OTOF: variants seen among roughly 807,000 people sequenced by gnomAD.
OTOF encodes otoferlin.
A neutral mutation model predicts 236.8 loss-of-function variants in OTOF; 218 were observed. That is an observed-to-expected ratio of 0.92 (90% CI 0.82 to 1.03). OTOF has a LOEUF of 1.03. OTOF is among the 50% of genes least tolerant of loss of function. The pLI is 0.00. For missense variants in OTOF, 2,590 were observed against 2,694.4 expected, an observed-to-expected ratio of 0.96 and a Z score of 0.86; for synonymous variants, 1,041 against 1,072.5, an observed-to-expected ratio of 0.97 and a Z score of 0.57.
At chr2:26,531,715 C>G (rs1572483371) in intron 2 of OTOF, among the ~76,000 whole-genome samples, 1 of 152,050 alleles carries the variant, frequency 6.6e-6, no homozygotes, top group East Asian at 1.9e-4. Context: ...ATGCTGAGAA[C>G]ACAGCAAGAC....
rs370691004 is a variant in OTOF, at chr2:26,460,941, C to T, written c.5623G>A (p.Val1875Met). The part of the protein sequence containing the change: ...TMEMATGEVD[V>M]PLVSIFKQKR... ...TGCTTGAAGATGGACACGAGGGGCACGTCCACCTCCCCGGTGGCCATCTCC... is the reference window on the plus strand; with the variant it reads ...TGCTTGAAGATGGACACGAGGGGCATGTCCACCTCCCCGGTGGCCATCTCC... The change falls in exon 44 of 47, where the codon GTG (valine) becomes ATG (methionine). Residue 1875 changes from valine (V) to methionine (M), a missense_variant. This residue lies in a region of OTOF where 1,211 missense variants were observed against 1,352.8 expected (regional missense o/e 0.90). Transcript: ENST00000272371. This position sits in a 1 kb window ranked among gnomAD's most constrained non-coding sequence, Gnocchi z 5.3. The T allele has an allele frequency of 7.6e-5, 122 of 1,613,968 alleles. 1 individual carries two copies. The Middle Eastern group carries it at 1.2e-3, about 15-fold the overall frequency.
rs1572416145 is a variant in OTOF at position 26,470,909 on chromosome 2, A to T, written c.3895-188T>A. On this transcript the variant is annotated intron_variant, in intron 31 of 46. Transcript: ENST00000272371. The surrounding 1 kb of genome is among the most constrained non-coding windows in gnomAD (Gnocchi z 4.3). ...GTGCCACAGGCCACAGAGTGTTGTG[A>T]CCTGCCAGTGCGATCCACTCGCCCA... Among the ~76,000 whole-genome samples the T allele has an allele frequency of 6.6e-6, 1 of 152,136 alleles. No individual in the cohort carries two copies. Among genetic ancestry groups the T allele is most frequent in the African/African-American group, 2.4e-5 (1 of 41,418 alleles).
At chr2:26,525,027 C>T (rs1271027808) in intron 3 of OTOF, among the ~76,000 whole-genome samples, 1 of 152,198 alleles carries the variant, frequency 6.6e-6, no homozygotes, top group African/African-American at 2.4e-5. Context: ...TCCTGTTTCT[C>T]CTGTCCTCAT....
chr2:26,499,425 C>A (rs7587572), intron 8 of OTOF, among the ~76,000 whole-genome samples: 47,281 of 151,948 alleles, frequency 0.31, 10,319 homozygotes, highest in African/African-American at 0.61. Context: ...GTCCTTCCTG[C>A]GGTCTTTATA....
intron 8 of OTOF, among the ~76,000 whole-genome samples, chr2:26,498,909 T>C (rs1666052682): frequency 6.6e-6 from 1 of 152,012 alleles, no homozygotes; most frequent in African/African-American, 2.4e-5. Context: ...TTTTCAGAAG[T>C]TTGCTCCAGT....
Position 26,558,361 on chromosome 2 carries a change from C to G in OTOF, c.79+132G>C, listed in dbSNP as rs544271236. The G allele has an allele frequency of 1.4e-5, 11 of 775,676 alleles. No individual in the cohort carries two copies. In the African/African-American group the frequency reaches 1.9e-4, roughly 13 times the overall value. 48.0% of individuals were successfully genotyped at this position (775,676 alleles called of 1,614,324 possible). The stretch of plus-strand genomic sequence containing the variant: ...AGGCAGATGACTACCTGTGAAAAGG[C>G]TCGTCGCCCCAGCCCCTGCTAGAAC... On this transcript the variant is annotated intron_variant, in intron 1 of 46. Coordinates refer to ENST00000272371, the MANE Select transcript of OTOF (RefSeq NM_194248.3).
At chr2:26,471,814 C>CCACATGCA (rs539987834) in intron 30 of OTOF, among the ~76,000 whole-genome samples, 10 of 152,132 alleles carry the variant, frequency 6.6e-5, no homozygotes, top group Non-Finnish European at 1.0e-4. Flanking sequence ...TGCACATACA[C>CCACATGCA]CACATGCACA....
At chr2:26,466,933 T>G (rs984454432) in intron 35 of OTOF, 82 bp from the exon 36 acceptor site, 96 of 1,591,084 alleles carry the variant, frequency 6.0e-5, no homozygotes, top group Non-Finnish European at 7.8e-5. Context: ...CCAGGAGGGC[T>G]GGACCCTGAT....
intron 8 of OTOF, among the ~76,000 whole-genome samples, chr2:26,496,809 C>T (rs1665998075): frequency 6.6e-6 from 1 of 151,954 alleles, no homozygotes; most frequent in African/African-American, 2.4e-5. Flanking sequence ...ACCACATAGC[C>T]TTGTGTTTTT....
intron 2 of OTOF, among the ~76,000 whole-genome samples, chr2:26,537,454 G>A (rs566160890): frequency 3.9e-5 from 6 of 152,352 alleles, no homozygotes; most frequent in East Asian, 1.9e-4. Context: ...CAGCAGGGCC[G>A]TCGAGGTGGG....
intron 3 of OTOF, among the ~76,000 whole-genome samples, chr2:26,521,315 G>A (rs1046268327): frequency 2.0e-5 from 3 of 152,216 alleles, no homozygotes; most frequent in African/African-American, 7.2e-5. Context: ...TCCAGAATTA[G>A]ATGCCTAAGA....
At chr2:26,514,825 A>G (rs375713761) in intron 5 of OTOF, among the ~76,000 whole-genome samples, 57 of 152,026 alleles carry the variant, frequency 3.7e-4, no homozygotes, top group African/African-American at 1.3e-3. Flanking sequence ...GTGGCTTCCG[A>G]TCTTGTTCTC....
chr2:26,495,970 T>C (rs1326637449), intron 8 of OTOF, among the ~76,000 whole-genome samples: 1 of 152,258 alleles, frequency 6.6e-6, no homozygotes, highest in Non-Finnish European at 1.5e-5. Context: ...CCTTTCCACA[T>C]TGTTTGCTGA....
At chr2:26,459,552 CAAAAAA>C (rs58695074) in intron 46 of OTOF, among the ~76,000 whole-genome samples, 1,739 of 69,138 alleles carry the variant, frequency 0.025, 13 homozygotes, top group Middle Eastern at 0.057. Flanking sequence ...ACTCTGTCTC[CAAAAAA>C]AAAAAAAAAA....
At chr2:26,546,554 T>G (rs902200681) in intron 1 of OTOF, among the ~76,000 whole-genome samples, 16 of 152,206 alleles carry the variant, frequency 1.1e-4, no homozygotes, top group Admixed American at 2.6e-4. Flanking sequence ...TTCTCCATTT[T>G]CAAGGCTGCT....
intron 5 of OTOF, among the ~76,000 whole-genome samples, chr2:26,516,183 C>A (rs911233392): frequency 3.9e-5 from 6 of 152,208 alleles, no homozygotes; most frequent in African/African-American, 1.4e-4. Flanking sequence ...ACTGGGGAGG[C>A]CTTGGCCTTG....
chr2:26,532,762 G>A (rs916834351), intron 2 of OTOF, among the ~76,000 whole-genome samples: 5 of 152,124 alleles, frequency 3.3e-5, no homozygotes, highest in African/African-American at 7.2e-5. Flanking sequence ...GGTGCTGGCC[G>A]GGGCACAGGG....
intron 18 of OTOF, 28 bp downstream of exon 18, chr2:26,479,236 C>G: frequency 6.2e-7 from 1 of 1,611,400 alleles, no homozygotes; most frequent in Non-Finnish European, 8.5e-7. Flanking sequence ...AGGACCCCAC[C>G]CCTGCTGGCC....
rs532075280 is a variant in OTOF at position 26,457,692 on chromosome 2, A to G, written c.*546T>C. On this transcript the variant is annotated 3_prime_UTR_variant, in exon 47 of 47. Coordinates refer to ENST00000272371, the MANE Select transcript of OTOF (RefSeq NM_194248.3). The surrounding 1 kb of genome is among the most constrained non-coding windows in gnomAD (Gnocchi z 4.4). ...CTTGGTTAATTTCACTAAAGCTTCA[A>G]TCCTGTACTTGGAAGACCTGGGGAG... 1.3e-5 allele frequency: 4 copies of G among 296,844 alleles called. No homozygotes were observed. The South Asian group carries it at 2.1e-4, about 16-fold the overall frequency. 18.4% of individuals were successfully genotyped at this position (296,844 alleles called of 1,614,324 possible).
Sources: gnomAD v4.1 joint callset for allele counts (sites outside exome capture counted in the v4.1 genomes callset) on GRCh38, gnomAD v4.1.1 for gene constraint, gnomAD v4.1.1 regional missense constraint, Gnocchi (gnomAD v3.1) non-coding constraint, MANE v1.5 for transcripts, NCBI Gene and HGNC (gene_info 2026-07-23, HGNC 2026-07-21) for gene names.